RNPS1: variants seen among roughly 807,000 people sequenced by gnomAD.
RNPS1 encodes the protein RNA-binding protein with serine-rich domain 1.
For missense variants in RNPS1, 300 were observed against 427.6 expected, an observed-to-expected ratio of 0.70 and a Z score of 2.63; for synonymous variants, 147 against 150.0, an observed-to-expected ratio of 0.98 and a Z score of 0.15.
At chr16:2,261,886 C>T (rs114286915) in intron 6 of RNPS1, among the ~76,000 whole-genome samples, 2,527 of 152,252 alleles carry the variant, frequency 0.017, 76 homozygotes, top group African/African-American at 0.057. Context: ...CTTCAAGACT[C>T]AATCCTTAGT....
chr16:2,256,233 C>T (rs2093577677), intron 6 of RNPS1: 1 of 165,856 alleles, frequency 6.0e-6, no homozygotes, highest in Non-Finnish European at 1.3e-5. Context: ...GAGGCAGCCT[C>T]CCAGGTCAAG....
At chr16:2,266,141 C>A (rs2093624228) in intron 1 of RNPS1, 1 of 985,302 alleles carries the variant, frequency 1.0e-6, no homozygotes, top group Non-Finnish European at 1.2e-6. Flanking sequence ...AAGGAGGACA[C>A]AGCACACCAA....
chr16:2,253,994 C>T lies in RNPS1; in HGVS notation c.888G>A (p.Arg296=). The T allele has an allele frequency of 6.5e-7, 1 of 1,541,980 alleles. No individual in the cohort carries two copies. The highest frequency in any genetic ancestry group is 1.2e-5 in the South Asian group (1 of 82,950). Residue 296 remains arginine (R), a synonymous_variant, in exon 8 of 8, where the codon AGG becomes AGA. Coordinates refer to ENST00000320225, the MANE Select transcript of RNPS1 (RefSeq NM_080594.4). ...RSRSPGRRRH[R]SRSSSNSSR ...GGGAGGAGTTGGAGCTGGAGCGGCT[C>T]CTGTGGCGGCGGCGGCCCGGGGACC...
chr16:2,264,827 C>G (rs1482921138), intron 1 of RNPS1, 67 bp from the exon 2 acceptor site: 4 of 1,353,820 alleles, frequency 3.0e-6, no homozygotes, highest in Non-Finnish European at 3.9e-6. Flanking sequence ...ACTTTGCAGT[C>G]AAAAGCTGAG....
Position 2,255,824 on chromosome 16 carries a change from T to C in RNPS1, c.677-98A>G, listed in dbSNP as rs375631917. On this transcript the variant is annotated intron_variant, in intron 6 of 7. Transcript: ENST00000320225. The stretch of plus-strand genomic sequence containing the variant: ...GACAGGCCTGGGGGGACAATGACAA[T>C]GTAAGATAATCACAGAAACAGGGCC... The C allele has an allele frequency of 9.8e-6, 13 of 1,330,886 alleles. No individual in the cohort carries two copies. In the African/African-American group the frequency reaches 1.6e-4, roughly 16 times the overall value. 82.4% of individuals were successfully genotyped at this position (1,330,886 alleles called of 1,614,324 possible).
chr16:2,263,575 A>G (rs113049538), intron 3 of RNPS1, among the ~76,000 whole-genome samples: 1 of 152,160 alleles, frequency 6.6e-6, no homozygotes, highest in African/African-American at 2.4e-5. Flanking sequence ...ACAACTGCCA[A>G]CTCAGGCTGG....
At chr16:2,260,355 G>C (rs760635335) in intron 6 of RNPS1, among the ~76,000 whole-genome samples, 1 of 151,776 alleles carries the variant, frequency 6.6e-6, no homozygotes, top group African/African-American at 2.4e-5. Context: ...GGGGTTTCAC[G>C]ATGTTGGCCA....
chr16:2,263,683 G>A (rs1236236342), intron 3 of RNPS1, among the ~76,000 whole-genome samples: 2 of 152,028 alleles, frequency 1.3e-5, no homozygotes, highest in Non-Finnish European at 2.9e-5. Context: ...CATGATCTCC[G>A]CACACTGCAG....
At chr16:2,262,146 A>T in intron 6 of RNPS1, 132 bp downstream of exon 6, 1 of 929,462 alleles carries the variant, frequency 1.1e-6, no homozygotes, top group Non-Finnish European at 1.6e-6. Context: ...ACTGCACCCC[A>T]GCCTGGGCAA....
In RNPS1 at chr16:2,264,279, G is replaced by A. The variant is rs761163334; in HGVS notation, c.124C>T (p.Arg42Cys). Residue 42 changes from arginine (R) to cysteine (C), a missense_variant, in exon 3 of 8, where the codon CGC becomes TGC. Physicochemically the swap from Arg to Cys is radical, Grantham distance 180 (BLOSUM62 -3). Coordinates refer to ENST00000320225, the MANE Select transcript of RNPS1 (RefSeq NM_080594.4). The stretch of plus-strand genomic sequence containing the variant: ...TTGGTGGCCCCTTTATCTTTTGAGC[G>A]ATCCTTGGACTTCTCATCTGAGCGG... ...KDRSDEKSKD[R>C]SKDKGATKES... is the part of the protein sequence containing the mutation. 7.4e-6 allele frequency: 12 copies of A among 1,614,020 alleles called. No individual in the cohort carries two copies. Among genetic ancestry groups the A allele is most frequent in the African/African-American group, 2.7e-5 (2 of 74,900 alleles).
At chr16:2,261,563 A>G (rs1475785584) in intron 6 of RNPS1, among the ~76,000 whole-genome samples, 1 of 152,364 alleles carries the variant, frequency 6.6e-6, no homozygotes, top group East Asian at 1.9e-4. Context: ...GTGGCAGGCC[A>G]GGTCTCACTA....
At chr16:2,255,967 GA>G in intron 6 of RNPS1, 1 of 493,354 alleles carries the variant, frequency 2.0e-6, no homozygotes, top group Non-Finnish European at 3.6e-6. Context: ...CTACTAAAAA[GA>G]CAATAAATCA....
At chr16:2,267,122 C>G in intron 1 of RNPS1, 2 of 916,832 alleles carry the variant, frequency 2.2e-6, no homozygotes, top group Non-Finnish European at 2.6e-6. Flanking sequence ...AAGCGGACGC[C>G]TTGCTGGGTG....
chr16:2,264,134 G>A (rs751907671), intron 3 of RNPS1, 42 bp downstream of exon 3: 2 of 1,608,590 alleles, frequency 1.2e-6, no homozygotes, highest in East Asian at 4.5e-5. Flanking sequence ...GGGTGTAGCT[G>A]TGGCACAGGT....
At position 2,262,300 on chromosome 16, in the gene RNPS1, C is replaced by T; in HGVS notation, c.654G>A (p.Lys218=). The T allele has an allele frequency of 1.9e-6, 3 of 1,613,328 alleles. No homozygotes were observed. The highest frequency in any genetic ancestry group is 2.5e-6 in the Non-Finnish European group (3 of 1,180,024). ...VEFENPDEAE[K]ALKHMDGGQI... is the part of the protein sequence containing the mutation. The stretch of plus-strand genomic sequence containing the variant: ...CACCTCCATCCATGTGCTTCAGCGC[C>T]TTCTCGGCTTCATCTGGATTCTCAA... The change falls in exon 6 of 8, where the codon AAG becomes AAA. Residue 218 remains lysine (K), a synonymous_variant. Coordinates refer to ENST00000320225, the MANE Select transcript of RNPS1 (RefSeq NM_080594.4).
In RNPS1 at chr16:2,253,822, G is replaced by T. The variant is rs1316412002; in HGVS notation, c.*142C>A. ...GCACTTCTGCAGCCGGGGCCCGGCT[G>T]GCAGAGGGGTGCTGCCTGCTGCCTG... On this transcript the variant is annotated 3_prime_UTR_variant, in exon 8 of 8. Transcript: ENST00000320225. The T allele has an allele frequency of 6.5e-6, 5 of 764,028 alleles. No homozygotes were observed. The East Asian group carries it at 1.3e-4, about 20-fold the overall frequency. The allele number at this position is 764,028 out of a possible 1,614,324, so 47.3% of individuals were successfully genotyped here. A position where few individuals can be genotyped will look rare whatever the true frequency, so the allele number is the denominator to read the frequency against.
chr16:2,265,990 G>A, intron 1 of RNPS1: 1 of 425,302 alleles, frequency 2.4e-6, no homozygotes, highest in Non-Finnish European at 3.1e-6. Context: ...TTACTAATTA[G>A]TTATGGGCCC....
At chr16:2,265,486 ATT>A (rs34309123) in intron 1 of RNPS1, 27 of 143,256 alleles carry the variant, frequency 1.9e-4, no homozygotes, top group Admixed American at 4.2e-4. Flanking sequence ...TTAACCTCTG[ATT>A]TTTTTTTTTT....
intron 1 of RNPS1, chr16:2,267,391 A>G (rs1055864978): frequency 1.9e-5 from 19 of 984,060 alleles, no homozygotes; most frequent in Non-Finnish European, 2.2e-5. Context: ...TTCTCCTCCA[A>G]CAAACTTAAC....
Sources: allele counts gnomAD v4.1 joint callset (sites outside exome capture counted in the v4.1 genomes callset), GRCh38; gene constraint gnomAD v4.1.1; transcripts MANE v1.5; gene names NCBI Gene and HGNC (gene_info 2026-07-23, HGNC 2026-07-21).